The following CRADD variants were observed in gnomAD, a reference collection of about 807,000 sequenced individuals.
The protein encoded by CRADD is CARD and death domain containing adaptor protein, also known as death domain-containing protein CRADD.
Under a neutral mutation model 15.5 loss-of-function variants are expected in CRADD, and 9 were observed. The observed-to-expected ratio is 0.58, with a 90% CI of 0.35 to 1.01. The LOEUF is 1.01. Among genes scored for constraint, CRADD ranks in the 50% least tolerant of loss-of-function variants. The probability of loss-of-function intolerance (pLI) is 0.02; values close to 1 mark genes in which losing one functional copy is unlikely to be tolerated. For missense variants in CRADD, 227 were observed against 250.3 expected, an observed-to-expected ratio of 0.91 and a Z score of 0.63; for synonymous variants, 118 against 107.6, an observed-to-expected ratio of 1.10 and a Z score of -0.60.
chr12:93,728,248 A>C (rs1337608916), intron 2 of CRADD, among the ~76,000 whole-genome samples: 1 of 152,254 alleles, frequency 6.6e-6, no homozygotes, highest in Non-Finnish European at 1.5e-5. Context: ...AATCAGAACT[A>C]ATGAAATATG....
chr12:93,767,575 A>G (rs1463048103), intron 2 of CRADD, among the ~76,000 whole-genome samples: 1 of 152,232 alleles, frequency 6.6e-6, no homozygotes, highest in African/African-American at 2.4e-5. Context: ...TGTTTGCAGT[A>G]GGTGGCATTA....
At chr12:93,796,959 T>C (rs953505602) in intron 2 of CRADD, among the ~76,000 whole-genome samples, 5 of 152,198 alleles carry the variant, frequency 3.3e-5, no homozygotes, top group Non-Finnish European at 4.4e-5. Context: ...CTGGCCACTG[T>C]TGCATCTGTT....
chr12:93,678,864 C>G lies in CRADD; in HGVS notation c.90C>G (p.Leu30=). 1 of 1,614,200 alleles carries G rather than the reference C, an allele frequency of 6.2e-7. No individual in the cohort carries two copies. Among genetic ancestry groups the G allele is most frequent in the Non-Finnish European group, 8.5e-7 (1 of 1,180,030 alleles). ...VLVEGLVLQY[L]YQEGILTENH... ...TGGAGGGACTGGTTCTTCAGTACCT[C>G]TACCAGGAAGGAATCTTGACGGAAA... The change falls in exon 2 of 3, where the codon CTC becomes CTG. Residue 30 remains leucine (L), a synonymous_variant. Transcript: ENST00000332896.
At chr12:93,807,622 A>G (rs1957554449) in intron 2 of CRADD, among the ~76,000 whole-genome samples, 1 of 152,092 alleles carries the variant, frequency 6.6e-6, no homozygotes, top group Non-Finnish European at 1.5e-5. Context: ...GAGACAGAGA[A>G]AATAAACAAA....
At chr12:93,689,901 T>A (rs902214553) in intron 2 of CRADD, among the ~76,000 whole-genome samples, 2 of 152,182 alleles carry the variant, frequency 1.3e-5, no homozygotes, top group Non-Finnish European at 2.9e-5. Context: ...AGGTTAGAGT[T>A]GGAAGGGATC....
chr12:93,690,045 C>T (rs973525832), intron 2 of CRADD, among the ~76,000 whole-genome samples: 1 of 152,140 alleles, frequency 6.6e-6, no homozygotes, highest in Non-Finnish European at 1.5e-5. Context: ...TTGGGTAGTT[C>T]ACAACTTTGA....
intron 2 of CRADD, among the ~76,000 whole-genome samples, chr12:93,770,319 G>T (rs1157586333): frequency 6.6e-6 from 1 of 151,770 alleles, no homozygotes; most frequent in African/African-American, 2.4e-5. Flanking sequence ...GGATGGTCTC[G>T]ATCTCCTGAC....
chr12:93,739,878 G>C (rs1328377976), intron 2 of CRADD, among the ~76,000 whole-genome samples: 1 of 152,116 alleles, frequency 6.6e-6, no homozygotes, highest in Admixed American at 6.5e-5. Context: ...TTGATTTATT[G>C]TAAATATGCC....
intron 2 of CRADD, among the ~76,000 whole-genome samples, chr12:93,715,357 A>G (rs184358075): frequency 5.5e-4 from 84 of 152,376 alleles, no homozygotes; most frequent in African/African-American, 2.0e-3. Flanking sequence ...ACTTCACAAG[A>G]ACATTGGTAA....
chr12:93,758,024 A>G (rs1956910513), intron 2 of CRADD, among the ~76,000 whole-genome samples: 1 of 152,182 alleles, frequency 6.6e-6, no homozygotes. Flanking sequence ...ATATTTTGGT[A>G]TATTCCTCCT....
chr12:93,818,344 G>A (rs1435500056), intron 2 of CRADD, among the ~76,000 whole-genome samples: 1 of 152,198 alleles, frequency 6.6e-6, no homozygotes, highest in East Asian at 1.9e-4. Context: ...TGAAAAGGCA[G>A]CCTCTCCTTC....
chr12:93,795,602 C>CAGAT (rs1415363457), intron 2 of CRADD, among the ~76,000 whole-genome samples: 9 of 152,184 alleles, frequency 5.9e-5, no homozygotes, highest in Non-Finnish European at 1.0e-4. Flanking sequence ...TCTGTTGGCT[C>CAGAT]CATTCACTCC....
chr12:93,859,741 AAGAGACAGGG>A (rs1958304454), intron 2 of CRADD, among the ~76,000 whole-genome samples: 2 of 151,346 alleles, frequency 1.3e-5, no homozygotes, highest in Admixed American at 1.3e-4. Context: ...CTTTTTTTTT[AAGAGACAGGG>A]TCTCACTCTG....
intron 2 of CRADD, among the ~76,000 whole-genome samples, chr12:93,784,700 A>G (rs1957256268): frequency 6.6e-6 from 1 of 152,108 alleles, no homozygotes; most frequent in African/African-American, 2.4e-5. Context: ...GGCCGAGTTG[A>G]TATTAGAACA....
intron 2 of CRADD, among the ~76,000 whole-genome samples, chr12:93,889,310 T>C (rs554465754): frequency 6.6e-6 from 1 of 152,078 alleles, no homozygotes; most frequent in African/African-American, 2.4e-5. Context: ...ACATTTTATA[T>C]AGGACCAAGT....
chr12:93,761,293 T>C lies in CRADD; in HGVS notation c.298+82221T>C, dbSNP rs144184666. ...TTTAAAAGGTTGCTTTGAGGCTGTG[T>C]GTAGTGTGAAGGGTACACGGGGGAG... is the stretch of plus-strand genomic sequence containing the variant. On this transcript the variant is annotated intron_variant, in intron 2 of 2. Coordinates refer to ENST00000332896, the MANE Select transcript of CRADD (RefSeq NM_003805.5). Among the ~76,000 whole-genome samples the C allele has an allele frequency of 2.2e-3, 341 of 152,288 alleles. 1 individual carries two copies. Among genetic ancestry groups the C allele is most frequent in the African/African-American group, 7.6e-3 (315 of 41,540 alleles).
At chr12:93,710,410 A>G (rs1398798824) in intron 2 of CRADD, among the ~76,000 whole-genome samples, 1 of 150,238 alleles carries the variant, frequency 6.7e-6, no homozygotes, top group Non-Finnish European at 1.5e-5. Context: ...CAGTGGCACA[A>G]TCTTGGCTCA....
At chr12:93,718,408 G>C (rs886340686) in intron 2 of CRADD, among the ~76,000 whole-genome samples, 21 of 152,044 alleles carry the variant, frequency 1.4e-4, no homozygotes, top group African/African-American at 4.6e-4. Flanking sequence ...TTGATCTTTG[G>C]GGGGGTGCTA....
chr12:93,818,961 C>T (rs748546155), intron 2 of CRADD, among the ~76,000 whole-genome samples: 16 of 152,186 alleles, frequency 1.1e-4, no homozygotes, highest in Admixed American at 3.3e-4. Flanking sequence ...ACCGCACTGG[C>T]GAAGATCAGC....
Sources: gnomAD v4.1 joint callset for allele counts (sites outside exome capture counted in the v4.1 genomes callset) on GRCh38, gnomAD v4.1.1 for gene constraint, MANE v1.5 for transcripts, NCBI Gene and HGNC (gene_info 2026-07-23, HGNC 2026-07-21) for gene names.